Variants in SNTG1 observed in about 807,000 individuals in gnomAD.
The protein encoded by SNTG1 is gamma-1-syntrophin.
SNTG1 carries 39 observed loss-of-function variants against 74.7 expected under a neutral mutation model. The ratio of observed to expected loss-of-function variants is 0.52; its 90% CI spans 0.40 to 0.68. The LOEUF (loss-of-function observed/expected upper bound fraction) is 0.68, where lower values mean the gene tolerates loss of function less well. SNTG1 is among the 30% of genes least tolerant of loss of function. The pLI is 0.00. For missense variants in SNTG1, 685 were observed against 609.5 expected (o/e 1.12, Z -1.30); for synonymous variants, 254 against 217.1 (o/e 1.17, Z -1.49).
At chr8:49,955,732 A>G (rs118127308) in intron 1 of SNTG1, among the ~76,000 whole-genome samples, 1,603 of 152,354 alleles carry the variant, frequency 0.011, 8 homozygotes, top group Admixed American at 0.018. Context: ...CAACATTACT[A>G]GAGATGCTGC....
chr8:50,747,602 C>T lies in SNTG1; in HGVS notation c.1285-4399C>T, dbSNP rs117504947. On this transcript the variant is annotated intron_variant, in intron 17 of 18. Coordinates refer to ENST00000642720, the MANE Select transcript of SNTG1 (RefSeq NM_018967.5). Reference sequence around the variant, plus strand: ...CTATTATTTTATATAATCTCCATGTCGAATTTTCCTTTTACCTCTGTTACT... The same window carrying T: ...CTATTATTTTATATAATCTCCATGTTGAATTTTCCTTTTACCTCTGTTACT... 3.8e-3 allele frequency among the ~76,000 whole-genome samples: 582 copies of T among 152,048 alleles called. 1 individual carries two copies. Among genetic ancestry groups the T allele is most frequent in the Non-Finnish European group, 6.6e-3 (449 of 67,960 alleles).
At chr8:50,118,319 T>C (rs780204527) in intron 1 of SNTG1, among the ~76,000 whole-genome samples, 29 of 152,106 alleles carry the variant, frequency 1.9e-4, no homozygotes, top group Non-Finnish European at 3.5e-4. Flanking sequence ...AAAAAAAAAT[T>C]ACATGTACCA....
At chr8:49,948,574 A>G (rs576569695) in intron 1 of SNTG1, among the ~76,000 whole-genome samples, 2 of 152,156 alleles carry the variant, frequency 1.3e-5, no homozygotes, top group Non-Finnish European at 2.9e-5. Context: ...CATCTACTGA[A>G]TAGTTTAGTT....
intron 13 of SNTG1, among the ~76,000 whole-genome samples, chr8:50,595,502 A>C (rs2094721402): frequency 6.6e-6 from 1 of 152,058 alleles, no homozygotes; most frequent in South Asian, 2.1e-4. Context: ...ACTTCAGAAG[A>C]CTTGGAAAAG....
At chr8:50,669,437 C>T (rs1036697017) in intron 15 of SNTG1, among the ~76,000 whole-genome samples, 38 of 152,270 alleles carry the variant, frequency 2.5e-4, no homozygotes, top group Non-Finnish European at 4.9e-4. Flanking sequence ...ACTAGAAAAT[C>T]TAGAAGAAAT....
At chr8:50,612,751 G>T (rs1249408955) in intron 13 of SNTG1, among the ~76,000 whole-genome samples, 13 of 152,162 alleles carry the variant, frequency 8.5e-5, no homozygotes, top group African/African-American at 2.7e-4. Flanking sequence ...AGTCCAAGTA[G>T]GTGAATTTTT....
intron 2 of SNTG1, among the ~76,000 whole-genome samples, chr8:50,227,425 T>C (rs1298121919): frequency 6.6e-6 from 1 of 152,148 alleles, no homozygotes; most frequent in Non-Finnish European, 1.5e-5. Flanking sequence ...AAACCTACTC[T>C]ACAAGGCAAA....
chr8:50,068,000 CA>C (rs952285439), intron 1 of SNTG1, among the ~76,000 whole-genome samples: 2 of 152,144 alleles, frequency 1.3e-5, no homozygotes, highest in Non-Finnish European at 2.9e-5. Context: ...CACACCCAAA[CA>C]TTCCAGTAAC....
At chr8:50,587,738 TC>T (rs890694375) in intron 12 of SNTG1, among the ~76,000 whole-genome samples, 5 of 150,942 alleles carry the variant, frequency 3.3e-5, no homozygotes, top group Non-Finnish European at 7.4e-5. Context: ...GGCAGGAGAA[TC>T]GCTTGAACCC....
At chr8:50,267,007 CAT>C (rs1404845249) in intron 2 of SNTG1, among the ~76,000 whole-genome samples, 2 of 150,784 alleles carry the variant, frequency 1.3e-5, no homozygotes, top group East Asian at 3.9e-4. Context: ...CTTTTTTTTT[CAT>C]AGTTACTAAA....
At chr8:50,782,625 T>C (rs1323617630) in intron 18 of SNTG1, among the ~76,000 whole-genome samples, 5 of 152,192 alleles carry the variant, frequency 3.3e-5, no homozygotes, top group Non-Finnish European at 7.3e-5. Flanking sequence ...TTTCAAAGGT[T>C]TCAACTTCTT....
chr8:50,788,324 C>T (rs139620692), intron 18 of SNTG1, among the ~76,000 whole-genome samples: 15 of 152,108 alleles, frequency 9.9e-5, no homozygotes, highest in African/African-American at 3.1e-4. Context: ...TAATTTTCTC[C>T]AGCAGTTTCA....
intron 1 of SNTG1, among the ~76,000 whole-genome samples, chr8:50,159,032 G>A (rs1039531590): frequency 6.6e-5 from 10 of 152,086 alleles, no homozygotes; most frequent in African/African-American, 1.4e-4. Context: ...TGTTGTGAAC[G>A]GAATGTGCCT....
chr8:50,072,311 T>C (rs984357867), intron 1 of SNTG1, among the ~76,000 whole-genome samples: 1 of 152,290 alleles, frequency 6.6e-6, no homozygotes, highest in African/African-American at 2.4e-5. Flanking sequence ...TGCTGAGACA[T>C]ATAGGTATCC....
At chr8:50,101,620 C>A (rs1022873395) in intron 1 of SNTG1, among the ~76,000 whole-genome samples, 10 of 151,854 alleles carry the variant, frequency 6.6e-5, no homozygotes, top group African/African-American at 2.4e-5. Flanking sequence ...AGGTTAGTTA[C>A]ATATGTATAC....
chr8:50,575,184 A>G (rs931832839), intron 12 of SNTG1, among the ~76,000 whole-genome samples: 2 of 152,174 alleles, frequency 1.3e-5, no homozygotes, highest in African/African-American at 4.8e-5. Context: ...AGAGTTTATT[A>G]TATAGTGGAG....
intron 18 of SNTG1, among the ~76,000 whole-genome samples, chr8:50,777,490 G>A (rs7831880): frequency 0.12 from 17,715 of 150,136 alleles, 3,093 homozygotes; most frequent in African/African-American, 0.38. Flanking sequence ...TTCTTCCTAG[G>A]GTTTCTGTTT....
chr8:50,658,662 A>C lies in SNTG1; in HGVS notation c.1037A>C (p.Lys346Thr). ...TATGAGATTATGTGCAAGATCCTCA[A>C]GGTATGATCAATATGTAGTCAGTAT... ...SVYEIMCKIL[K>T]DSDLLDRRKQ... The change falls in exon 15 of 19, where the codon AAG becomes ACG. Residue 346 changes from lysine (K) to threonine (T), a missense_variant and splice_region_variant. Transcript: ENST00000642720. The C allele has an allele frequency of 1.9e-6, 3 of 1,607,098 alleles. No homozygotes were observed. Among genetic ancestry groups the C allele is most frequent in the Non-Finnish European group, 2.6e-6 (3 of 1,175,202 alleles).
At chr8:50,036,281 G>C (rs191093481) in intron 1 of SNTG1, among the ~76,000 whole-genome samples, 1 of 152,094 alleles carries the variant, frequency 6.6e-6, no homozygotes, top group Non-Finnish European at 1.5e-5. Context: ...CAACTATGAC[G>C]TCTCTATGCA....
Sources: allele counts gnomAD v4.1 joint callset (sites outside exome capture counted in the v4.1 genomes callset), GRCh38; gene constraint gnomAD v4.1.1; transcripts MANE v1.5; gene names NCBI Gene and HGNC (gene_info 2026-07-23, HGNC 2026-07-21).